Variants in PACRG observed in about 807,000 individuals in gnomAD.
The protein encoded by PACRG is parkin coregulated, also known as parkin coregulated gene protein.
A neutral mutation model predicts 29.7 loss-of-function variants in PACRG; 29 were observed. That is an observed-to-expected ratio of 0.98 (90% confidence interval 0.73 to 1.33). The LOEUF (loss-of-function observed/expected upper bound fraction) is 1.33, where lower values mean the gene tolerates loss of function less well. PACRG is among the 40% of genes most tolerant of loss of function. The probability of loss-of-function intolerance (pLI) is 0.00; values close to 1 mark genes in which losing one functional copy is unlikely to be tolerated. For synonymous variants in PACRG, 116 were observed against 118.7 expected (o/e 0.98, Z 0.15); for missense variants, 279 against 316.2 (o/e 0.88, Z 0.89).
intron 2 of PACRG, among the ~76,000 whole-genome samples, chr6:163,023,073 T>C (rs79868631): frequency 0.01 from 1,567 of 152,344 alleles, 38 homozygotes; most frequent in African/African-American, 0.036. Context: ...GGCAATTGTC[T>C]TCTTTTAAAT....
chr6:163,216,646 G>A lies in PACRG; in HGVS notation c.614-98181G>A, dbSNP rs572886049. On this transcript the variant is annotated intron_variant, in intron 4 of 4. Transcript: ENST00000366888. ...AAACACCATCCATCTACCCTTCAGC[G>A]CACCCAGCCCCCGTACACACATGCG... Among the ~76,000 whole-genome samples, 9 of 152,104 alleles carry A rather than the reference G, an allele frequency of 5.9e-5. 1 individual carries two copies. The South Asian group carries it at 6.2e-4, about 11-fold the overall frequency.
rs61349473 is a variant in PACRG, at chr6:163,075,515, C to T, written c.463+13194C>T. 5.7e-4 allele frequency among the ~76,000 whole-genome samples: 87 copies of T among 152,168 alleles called. 3 individuals are homozygous for T. The East Asian group carries it at 0.016, about 29-fold the overall frequency. Reference sequence around the variant, plus strand: ...AAAATTTATTAAACAATATAACTAACAAATAGAATCCATCAATATATAAAA... The same window carrying T: ...AAAATTTATTAAACAATATAACTAATAAATAGAATCCATCAATATATAAAA... On this transcript the variant is annotated intron_variant, in intron 3 of 4. Coordinates refer to ENST00000366888, the MANE Select transcript of PACRG (RefSeq NM_001080379.2).
intron 4 of PACRG, among the ~76,000 whole-genome samples, chr6:163,182,041 T>C (rs1037248413): frequency 5.3e-5 from 8 of 152,210 alleles, no homozygotes; most frequent in South Asian, 2.1e-4. Flanking sequence ...TAAGGATTCT[T>C]AGTCAAATTT....
At chr6:162,937,908 T>G (rs1046882224) in intron 2 of PACRG, among the ~76,000 whole-genome samples, 1 of 152,082 alleles carries the variant, frequency 6.6e-6, no homozygotes, top group African/African-American at 2.4e-5. Flanking sequence ...TTTTTTTTTT[T>G]ATTTTCATAG....
At chr6:162,758,846 A>T (rs973763696) in intron 1 of PACRG, among the ~76,000 whole-genome samples, 1 of 152,230 alleles carries the variant, frequency 6.6e-6, no homozygotes, top group Admixed American at 6.5e-5. Flanking sequence ...AATTGAAAAT[A>T]AGCCATTTTT....
At chr6:163,208,979 CA>C (rs1163404607) in intron 4 of PACRG, among the ~76,000 whole-genome samples, 2 of 152,180 alleles carry the variant, frequency 1.3e-5, no homozygotes, top group African/African-American at 4.8e-5. Flanking sequence ...AAGGAGATCT[CA>C]CAGGAGTGGA....
chr6:162,985,157 A>T (rs1265830517), intron 2 of PACRG, among the ~76,000 whole-genome samples: 2 of 152,088 alleles, frequency 1.3e-5, no homozygotes, highest in Non-Finnish European at 2.9e-5. Context: ...TCATATTGAC[A>T]CTATTCCAAA....
At chr6:163,284,703 C>T (rs560766584) in intron 4 of PACRG, among the ~76,000 whole-genome samples, 2 of 152,098 alleles carry the variant, frequency 1.3e-5, no homozygotes, top group African/African-American at 4.8e-5. Flanking sequence ...CCCCAACCCC[C>T]GCTCCCCGCC....
intron 4 of PACRG, among the ~76,000 whole-genome samples, chr6:163,149,881 T>C (rs1585268708): frequency 6.6e-6 from 1 of 152,312 alleles, no homozygotes; most frequent in East Asian, 1.9e-4. Flanking sequence ...GGAAACTCGG[T>C]CTCATTTCCA....
chr6:162,971,325 T>C (rs1801510536), intron 2 of PACRG, among the ~76,000 whole-genome samples: 1 of 152,212 alleles, frequency 6.6e-6, no homozygotes, highest in African/African-American at 2.4e-5. Context: ...TGGACCATAT[T>C]GTCAACCTGT....
intron 4 of PACRG, among the ~76,000 whole-genome samples, chr6:163,252,134 A>G (rs9295214): frequency 0.51 from 77,635 of 152,104 alleles, 21,538 homozygotes; most frequent in African/African-American, 0.75. Flanking sequence ...TGCCTGCCTC[A>G]CAATTACCCC....
At chr6:162,900,772 G>A (rs1795504753) in intron 2 of PACRG, among the ~76,000 whole-genome samples, 1 of 152,142 alleles carries the variant, frequency 6.6e-6, no homozygotes, top group Non-Finnish European at 1.5e-5. Context: ...CGCCTTTCCT[G>A]TGGCTGGCTC....
chr6:162,923,423 T>C (rs955608383), intron 2 of PACRG, among the ~76,000 whole-genome samples: 1 of 152,214 alleles, frequency 6.6e-6, no homozygotes, highest in African/African-American at 2.4e-5. Context: ...AGGCATAAAA[T>C]CTTTGCTATG....
chr6:163,267,261 A>G (rs1292251494), intron 4 of PACRG, among the ~76,000 whole-genome samples: 3 of 152,192 alleles, frequency 2.0e-5, no homozygotes, highest in African/African-American at 2.4e-5. Context: ...GCACAGTCCC[A>G]TCAGTGACGA....
At chr6:163,075,496 T>C (rs576094992) in intron 3 of PACRG, among the ~76,000 whole-genome samples, 16 of 152,286 alleles carry the variant, frequency 1.1e-4, no homozygotes, top group African/African-American at 3.9e-4. Flanking sequence ...AAGGAAAATT[T>C]ATTAAACAAT....
chr6:162,750,623 T>C (rs533637758), intron 1 of PACRG, among the ~76,000 whole-genome samples: 1 of 152,360 alleles, frequency 6.6e-6, no homozygotes, highest in East Asian at 1.9e-4. Context: ...GTTTAAGTGC[T>C]ATGATTTGCC....
intron 2 of PACRG, among the ~76,000 whole-genome samples, chr6:162,971,803 C>T (rs1489965437): frequency 6.6e-6 from 1 of 152,226 alleles, no homozygotes; most frequent in Non-Finnish European, 1.5e-5. Flanking sequence ...TGCCGGGCCG[C>T]AGCTTTCATT....
chr6:163,253,565 A>T (rs1160554753), intron 4 of PACRG, among the ~76,000 whole-genome samples: 1 of 152,066 alleles, frequency 6.6e-6, no homozygotes. Flanking sequence ...AGGAGAGGAG[A>T]CTGAGGCCCA....
chr6:163,240,059 C>T lies in PACRG; in HGVS notation c.614-74768C>T, dbSNP rs117821966. On this transcript the variant is annotated intron_variant, in intron 4 of 4. Coordinates refer to ENST00000366888, the MANE Select transcript of PACRG (RefSeq NM_001080379.2). The stretch of plus-strand genomic sequence containing the variant: ...CCCTACTTCTACAGACACATACACA[C>T]ACACTCACACCTCCACCCCCCCACA... 1.1e-4 allele frequency among the ~76,000 whole-genome samples: 16 copies of T among 149,632 alleles called. No individual in the cohort carries two copies. In the East Asian group the frequency reaches 2.9e-3, roughly 27 times the overall value.
Sources: gnomAD v4.1 joint callset for allele counts (sites outside exome capture counted in the v4.1 genomes callset) on GRCh38, gnomAD v4.1.1 for gene constraint, MANE v1.5 for transcripts, NCBI Gene and HGNC (gene_info 2026-07-23, HGNC 2026-07-21) for gene names.